Variants in WASF3 observed in about 807,000 individuals in gnomAD.
WASF3 encodes actin-binding protein WASF3.
WASF3 carries 11 observed loss-of-function variants against 46.6 expected under a neutral mutation model. That is an observed-to-expected ratio of 0.24 (90% CI 0.15 to 0.39). The LOEUF is 0.39. WASF3 is among the 10% of genes least tolerant of loss of function. WASF3 has a pLI of 1.00. For missense variants in WASF3, 576 were observed against 669.8 expected (o/e 0.86, Z 1.55); for synonymous variants, 242 against 259.7 (o/e 0.93, Z 0.65).
At chr13:26,674,655 G>A (rs1021207208) in intron 6 of WASF3, among the ~76,000 whole-genome samples, 2 of 152,150 alleles carry the variant, frequency 1.3e-5, no homozygotes, top group African/African-American at 4.8e-5. Flanking sequence ...TTTAATAGTT[G>A]TGTAGTATTC....
the WASF3 span, among the ~76,000 whole-genome samples, chr13:26,547,750 C>T: frequency 1.3e-5 from 2 of 152,170 alleles, no homozygotes; most frequent in African/African-American, 4.8e-5. Context: ...CACTGAATCG[C>T]AAGTTCCTTG....
the WASF3 span, among the ~76,000 whole-genome samples, chr13:26,545,769 C>T: frequency 6.6e-6 from 1 of 152,062 alleles, no homozygotes; most frequent in African/African-American, 2.4e-5. Context: ...CATGCAGTTA[C>T]TTTTTAAAAT....
rs113972298 is a variant in WASF3, at chr13:26,590,063, A to G, written c.-108-22898A>G. 2.4e-3 allele frequency among the ~76,000 whole-genome samples: 367 copies of G among 152,328 alleles called. 1 individual carries two copies. Among genetic ancestry groups the G allele is most frequent in the Non-Finnish European group, 3.9e-3 (263 of 68,032 alleles). On this transcript the variant is annotated intron_variant, in intron 1 of 9. Transcript: ENST00000335327. The stretch of plus-strand genomic sequence containing the variant: ...TTTGGAAAGCTGCAACTGAAGACCC[A>G]TATCTGAATAGCATTCTAACAGTAT...
chr13:26,624,165 CAG>C (rs1434453269), intron 2 of WASF3, among the ~76,000 whole-genome samples: 1 of 152,134 alleles, frequency 6.6e-6, no homozygotes, highest in Admixed American at 6.5e-5. Context: ...GAAACAGACT[CAG>C]AGATAACTTA....
intron 1 of WASF3, among the ~76,000 whole-genome samples, chr13:26,560,964 G>A (rs542549313): frequency 2.0e-5 from 3 of 152,304 alleles, no homozygotes; most frequent in Admixed American, 2.0e-4. Context: ...GAAGCACCAT[G>A]AGAAGGAATT....
intron 3 of WASF3, among the ~76,000 whole-genome samples, chr13:26,659,121 G>T (rs1230935987): frequency 6.6e-6 from 1 of 152,334 alleles, no homozygotes; most frequent in East Asian, 1.9e-4. Flanking sequence ...GATAAGAGGG[G>T]TGTGTGATCA....
At position 26,682,125 on chromosome 13, in the gene WASF3, T is replaced by G. The variant is rs1045780245; in HGVS notation, c.984-482T>G. Among the ~76,000 whole-genome samples the G allele has an allele frequency of 1.3e-5, 2 of 152,192 alleles. No individual in the cohort carries two copies. The highest frequency in any genetic ancestry group is 4.8e-5 in the African/African-American group (2 of 41,440). On this transcript the variant is annotated intron_variant, in intron 8 of 9. Transcript: ENST00000335327. This position sits in a 1 kb window ranked among gnomAD's most constrained non-coding sequence, Gnocchi z 4.4. Reference sequence around the variant, plus strand: ...CTCGGCTGAATAGAATTCAGCAGATTTCTTGGCTGTGTGACTTTTCGAAGC... The same window carrying G: ...CTCGGCTGAATAGAATTCAGCAGATGTCTTGGCTGTGTGACTTTTCGAAGC...
At chr13:26,676,839 C>T in intron 7 of WASF3, 115 bp downstream of exon 7, 1 of 987,004 alleles carries the variant, frequency 1.0e-6, no homozygotes, top group South Asian at 2.4e-5. Context: ...CCCTTGATGT[C>T]TTAAGATTTT....
At chr13:26,572,353 T>C (rs540057394) in intron 1 of WASF3, among the ~76,000 whole-genome samples, 1 of 152,340 alleles carries the variant, frequency 6.6e-6, no homozygotes, top group African/African-American at 2.4e-5. Context: ...CACATGCTCT[T>C]ACACTAATTC....
At chr13:26,651,393 AGAAAG>A (rs1882312612) in intron 3 of WASF3, among the ~76,000 whole-genome samples, 2 of 152,202 alleles carry the variant, frequency 1.3e-5, no homozygotes, top group Admixed American at 6.5e-5. Flanking sequence ...TCTTAAAAGA[AGAAAG>A]AGGAAAAATA....
chr13:26,575,653 T>C (rs1213849998), intron 1 of WASF3, among the ~76,000 whole-genome samples: 1 of 152,258 alleles, frequency 6.6e-6, no homozygotes, highest in Admixed American at 6.5e-5. Flanking sequence ...AAAGTTTTTT[T>C]ATTAGCCTCG....
intron 1 of WASF3, among the ~76,000 whole-genome samples, chr13:26,591,474 G>A (rs980270236): frequency 6.6e-6 from 1 of 152,074 alleles, no homozygotes; most frequent in Non-Finnish European, 1.5e-5. Flanking sequence ...AGGATTTACT[G>A]GTGGATCTGA....
intron 2 of WASF3, among the ~76,000 whole-genome samples, chr13:26,627,703 A>C (rs931723087): frequency 7.9e-5 from 12 of 152,108 alleles, no homozygotes; most frequent in Non-Finnish European, 1.5e-4. Flanking sequence ...ACACATACAA[A>C]TGTTGGATAG....
chr13:26,647,631 A>C (rs1271016265), intron 3 of WASF3, among the ~76,000 whole-genome samples: 2 of 152,280 alleles, frequency 1.3e-5, no homozygotes, highest in South Asian at 2.1e-4. Flanking sequence ...CTTCTTTTTA[A>C]TACCTCATAT....
At chr13:26,625,483 G>A (rs192077804) in intron 2 of WASF3, among the ~76,000 whole-genome samples, 35 of 152,312 alleles carry the variant, frequency 2.3e-4, no homozygotes, top group Non-Finnish European at 4.6e-4. Context: ...GAAAGCCTGA[G>A]AACCAGGAGC....
chr13:26,569,036 C>G (rs1879555249), intron 1 of WASF3, among the ~76,000 whole-genome samples: 1 of 152,000 alleles, frequency 6.6e-6, no homozygotes, highest in Non-Finnish European at 1.5e-5. Flanking sequence ...GAAAAAATTG[C>G]TGCCGTTTTA....
intron 7 of WASF3, chr13:26,680,055 C>T (rs1477518613): frequency 6.3e-7 from 1 of 1,597,142 alleles, no homozygotes; most frequent in Non-Finnish European, 8.5e-7. Context: ...ACAAGCTGAA[C>T]CCTAACAGAA....
At chr13:26,633,496 A>G (rs890865969) in intron 2 of WASF3, among the ~76,000 whole-genome samples, 1 of 151,834 alleles carries the variant, frequency 6.6e-6, no homozygotes, top group Non-Finnish European at 1.5e-5. Context: ...GAGCCACCAC[A>G]GCCGGCCGAT....
In WASF3 at chr13:26,647,987, A is replaced by G. The variant is rs138339621; in HGVS notation, c.133+5584A>G. On this transcript the variant is annotated intron_variant, in intron 3 of 9. Coordinates refer to ENST00000335327, the MANE Select transcript of WASF3 (RefSeq NM_006646.6). ...GTATTCTTATAAGACACATTTTTGA[A>G]TAGCTGGAGATTATTATATTGATAC... Among the ~76,000 whole-genome samples the G allele has an allele frequency of 5.6e-3, 857 of 152,288 alleles. 10 individuals are homozygous for G. Among genetic ancestry groups the G allele is most frequent in the African/African-American group, 0.02 (814 of 41,558 alleles).
Sources: allele counts gnomAD v4.1 joint callset (sites outside exome capture counted in the v4.1 genomes callset), GRCh38; gene constraint gnomAD v4.1.1; non-coding constraint Gnocchi (gnomAD v3.1); transcripts MANE v1.5; gene names NCBI Gene and HGNC (gene_info 2026-07-23, HGNC 2026-07-21).